FGF13: variants seen among roughly 807,000 people sequenced by gnomAD.
The protein encoded by FGF13 is fibroblast growth factor 13.
A neutral mutation model predicts 19.5 loss-of-function variants in FGF13; 2 were observed. That is an observed-to-expected ratio of 0.10 (90% confidence interval 0.04 to 0.32). FGF13 has a LOEUF of 0.32. Ranked by LOEUF, FGF13 falls within the 10% of genes least tolerant of loss-of-function variation. The probability of loss-of-function intolerance (pLI) is 1.00; values close to 1 mark genes in which losing one functional copy is unlikely to be tolerated. For missense variants in FGF13, 113 were observed against 192.7 expected (o/e 0.59, Z 2.45); for synonymous variants, 72 against 76.9 (o/e 0.94, Z 0.33).
chrX:138,886,866 C>T (rs767241966), intron 1 of FGF13, among the ~76,000 whole-genome samples: 1 of 111,851 alleles, frequency 8.9e-6, no homozygotes, highest in East Asian at 2.8e-4. Flanking sequence ...GGTAGGAAAC[C>T]TGGATTCAAT....
chrX:138,725,595 G>T (rs913378833), intron 1 of FGF13, among the ~76,000 whole-genome samples: 22 of 111,764 alleles, frequency 2.0e-4, no homozygotes, highest in Non-Finnish European at 4.1e-4. Context: ...GCCAGCACCA[G>T]ACATTATGAA....
chrX:138,854,165 A>G (rs2091243256), downstream of FGF13, among the ~76,000 whole-genome samples: 1 of 111,711 alleles, frequency 9.0e-6, no homozygotes, highest in Admixed American at 9.5e-5. Context: ...GCCAAATTAG[A>G]CTCTCAGATA....
At chrX:139,084,429 T>C (rs752262127) in intron 1 of FGF13, among the ~76,000 whole-genome samples, 9 of 111,751 alleles carry the variant, frequency 8.1e-5, no homozygotes, top group African/African-American at 1.3e-4. Flanking sequence ...ACTAGTCAAT[T>C]TGAGGAGTTC....
At chrX:139,175,919 ATTAG>A (rs1341629703) in intron 1 of FGF13, among the ~76,000 whole-genome samples, 1 of 112,065 alleles carries the variant, frequency 8.9e-6, no homozygotes, top group African/African-American at 3.2e-5. Context: ...ACCTCATAAA[ATTAG>A]TTAGGGAGGA....
At chrX:139,185,446 C>T (rs1477493105) in intron 1 of FGF13, among the ~76,000 whole-genome samples, 1 of 112,155 alleles carries the variant, frequency 8.9e-6, no homozygotes, top group Non-Finnish European at 1.9e-5. Context: ...CTATACATTT[C>T]CCCTTTACTG....
chrX:138,824,795 T>C (rs1466607596), intron 3 of FGF13, among the ~76,000 whole-genome samples: 2 of 111,748 alleles, frequency 1.8e-5, no homozygotes, highest in African/African-American at 6.5e-5. Context: ...ACAAAGTCTC[T>C]AACTCACCTC....
chrX:138,980,718 A>G (rs1569435207), intron 1 of FGF13, among the ~76,000 whole-genome samples: 2 of 105,713 alleles, frequency 1.9e-5, no homozygotes, highest in Non-Finnish European at 3.9e-5. Context: ...CAAGGAAAGC[A>G]TAGAAGAAAT....
intron 1 of FGF13, among the ~76,000 whole-genome samples, chrX:139,183,947 TCTAA>T (rs2084259880): frequency 8.9e-6 from 1 of 111,918 alleles, no homozygotes; most frequent in South Asian, 3.7e-4. Flanking sequence ...GGCTGATCTA[TCTAA>T]CTGATAATTT....
intron 1 of FGF13, among the ~76,000 whole-genome samples, chrX:139,083,348 G>A (rs1157286308): frequency 1.8e-5 from 2 of 111,876 alleles, no homozygotes; most frequent in African/African-American, 6.5e-5. Flanking sequence ...GCTTCCATGT[G>A]AGTGATGATG....
chrX:138,844,220 G>T (rs376110645), intron 3 of FGF13, among the ~76,000 whole-genome samples: 2 of 111,880 alleles, frequency 1.8e-5, no homozygotes, highest in East Asian at 5.6e-4. Flanking sequence ...AACTCAAGGG[G>T]TGATTTAATT....
intron 1 of FGF13, among the ~76,000 whole-genome samples, chrX:139,185,266 T>C (rs1239431309): frequency 1.8e-5 from 2 of 112,507 alleles, no homozygotes; most frequent in Non-Finnish European, 3.8e-5. Context: ...GAAGTTCATG[T>C]TACTTTGTAT....
intron 1 of FGF13, among the ~76,000 whole-genome samples, chrX:138,921,250 G>T (rs5931517): frequency 0.04 from 4,468 of 111,249 alleles, 91 homozygotes; most frequent in Non-Finnish European, 0.061. Flanking sequence ...GAATTAAGAG[G>T]TCATAGAAAA....
At chrX:138,745,434 C>A (rs1329726038) in intron 3 of FGF13, among the ~76,000 whole-genome samples, 5 of 111,934 alleles carry the variant, frequency 4.5e-5, no homozygotes, top group Non-Finnish European at 7.5e-5. Context: ...GTGTTCATAG[C>A]ACCCCCTTGT....
intron 1 of FGF13, among the ~76,000 whole-genome samples, chrX:138,919,049 A>C (rs1029993728): frequency 9.0e-6 from 1 of 111,651 alleles, no homozygotes; most frequent in African/African-American, 3.3e-5. Context: ...TTACCTATGG[A>C]AAAAAATGCA....
intron 1 of FGF13, among the ~76,000 whole-genome samples, chrX:139,185,313 A>G (rs1323953768): frequency 5.3e-5 from 6 of 112,356 alleles, no homozygotes; most frequent in Non-Finnish European, 1.1e-4. Context: ...AACCCACTAT[A>G]TAATACTGGC....
At chrX:138,767,979 T>C (rs2090514315) in intron 3 of FGF13, among the ~76,000 whole-genome samples, 2 of 112,390 alleles carry the variant, frequency 1.8e-5, no homozygotes. Flanking sequence ...TGAAACTTTG[T>C]CAGTGGCAGT....
chrX:138,811,706 A>G (rs1239758733), intron 3 of FGF13, among the ~76,000 whole-genome samples: 1 of 110,998 alleles, frequency 9.0e-6, no homozygotes, highest in African/African-American at 3.3e-5. Context: ...TCAAACTTCT[A>G]CATCTCAAAA....
intron 1 of FGF13, among the ~76,000 whole-genome samples, chrX:139,084,427 A>G (rs2083390993): frequency 9.0e-6 from 1 of 111,554 alleles, no homozygotes; most frequent in Admixed American, 9.5e-5. Flanking sequence ...CCACTAGTCA[A>G]TTTGAGGAGT....
intron 1 of FGF13, among the ~76,000 whole-genome samples, chrX:139,121,812 T>C (rs2083679290): frequency 9.0e-6 from 1 of 111,014 alleles, no homozygotes; most frequent in African/African-American, 3.3e-5. Flanking sequence ...CCACACCACA[T>C]AGGGCCATGT....
Sources: gnomAD v4.1 joint callset for allele counts (sites outside exome capture counted in the v4.1 genomes callset) on GRCh38, gnomAD v4.1.1 for gene constraint, MANE v1.5 for transcripts, NCBI Gene and HGNC (gene_info 2026-07-23, HGNC 2026-07-21) for gene names.